The following UGT1A10 variants were observed in gnomAD, a reference collection of about 807,000 sequenced individuals.
The protein encoded by UGT1A10 is UDP glucuronosyltransferase family 1 member A10, also known as UDP-glucuronosyltransferase 1A10.
A neutral mutation model predicts 45.8 loss-of-function variants in UGT1A10; 49 were observed. That is an observed-to-expected ratio of 1.07 (90% CI 0.85 to 1.36). The LOEUF (loss-of-function observed/expected upper bound fraction) is 1.36. Ranked by LOEUF, UGT1A10 falls within the 40% of genes most tolerant of loss-of-function variation. The pLI, the probability that UGT1A10 is intolerant of heterozygous loss-of-function variation, is 0.00. For synonymous variants in UGT1A10, 284 were observed against 249.7 expected, an observed-to-expected ratio of 1.14 and a Z score of -1.29; for missense variants, 745 against 668.6, an observed-to-expected ratio of 1.11 and a Z score of -1.26.
At chr2:233,733,588 G>A (rs965491373) in intron 1 of UGT1A10, among the ~76,000 whole-genome samples, 3 of 152,178 alleles carry the variant, frequency 2.0e-5, no homozygotes, top group African/African-American at 7.2e-5. Flanking sequence ...CATTGGTTCT[G>A]TTTATGTGAT....
intron 1 of UGT1A10, among the ~76,000 whole-genome samples, chr2:233,638,563 C>G (rs1309194126): frequency 6.6e-6 from 1 of 152,142 alleles, no homozygotes; most frequent in Non-Finnish European, 1.5e-5. Flanking sequence ...GATTCGGTTG[C>G]TTGTGACTGA....
intron 1 of UGT1A10, among the ~76,000 whole-genome samples, chr2:233,738,473 C>G (rs1020432064): frequency 1.3e-5 from 2 of 152,168 alleles, no homozygotes; most frequent in Non-Finnish European, 1.5e-5. Flanking sequence ...TTTGGAACTT[C>G]CTGGAGACTT....
intron 1 of UGT1A10, chr2:233,718,701 G>T: frequency 6.3e-7 from 1 of 1,599,658 alleles, no homozygotes; most frequent in Non-Finnish European, 8.5e-7. Context: ...AGGGCACTTT[G>T]TCTTCCAATT....
At chr2:233,712,429 G>A (rs1352438227) in intron 1 of UGT1A10, among the ~76,000 whole-genome samples, 1 of 152,122 alleles carries the variant, frequency 6.6e-6, no homozygotes, top group African/African-American at 2.4e-5. Flanking sequence ...GAAATATCCT[G>A]GTGTGAAAAA....
At chr2:233,766,541 T>C (rs1699176762) in intron 1 of UGT1A10, among the ~76,000 whole-genome samples, 1 of 152,156 alleles carries the variant, frequency 6.6e-6, no homozygotes, top group Non-Finnish European at 1.5e-5. Context: ...AAAACAAAAA[T>C]GCCTGTCCTC....
chr2:233,682,842 T>C, intron 1 of UGT1A10: 6 of 1,547,036 alleles, frequency 3.9e-6, no homozygotes, highest in Non-Finnish European at 5.2e-6. Context: ...CTTTGGAAAT[T>C]AAAAGATTTC....
intron 1 of UGT1A10, among the ~76,000 whole-genome samples, chr2:233,699,210 G>GA (rs1003409179): frequency 4.1e-4 from 61 of 150,002 alleles, no homozygotes; most frequent in Admixed American, 1.4e-3. Flanking sequence ...GCTGTTGCAT[G>GA]AAAAAAAAAC....
chr2:233,753,244 G>A (rs1445000409), intron 1 of UGT1A10: 1 of 152,136 alleles, frequency 6.6e-6, no homozygotes, highest in Non-Finnish European at 1.5e-5. Flanking sequence ...TATTATTTAA[G>A]AAGCAACTAC....
chr2:233,724,372 T>A (rs2077243468), intron 1 of UGT1A10, among the ~76,000 whole-genome samples: 1 of 143,294 alleles, frequency 7.0e-6, no homozygotes, highest in Admixed American at 6.9e-5. Context: ...ACGGGGTGGC[T>A]GCCGGGCGGA....
intron 1 of UGT1A10, among the ~76,000 whole-genome samples, chr2:233,684,767 A>T (rs1046318119): frequency 2.6e-5 from 4 of 152,184 alleles, no homozygotes; most frequent in African/African-American, 9.6e-5. Flanking sequence ...TCAGATCATA[A>T]AGAGTGCCCT....
Position 233,636,623 on chromosome 2 carries a change from A to G in UGT1A10, c.101A>G (p.Asp34Gly), listed in dbSNP as rs777708802. 8.7e-6 allele frequency: 14 copies of G among 1,613,892 alleles called. No homozygotes were observed. The African/African-American group carries it at 9.4e-5, about 11-fold the overall frequency. The change falls in exon 1 of 5, where the codon GAT (aspartate) becomes GGT (glycine). Residue 34 changes from aspartate (D) to glycine (G), a missense_variant. Coordinates refer to ENST00000344644, the MANE Select transcript of UGT1A10 (RefSeq NM_019075.4). ...EAGKLLVVPM[D>G]GSHWFTMQSV... is the part of the protein sequence containing the mutation. ...GGGAAGCTGCTGGTAGTGCCCATGG[A>G]TGGGAGTCACTGGTTCACCATGCAG...
At chr2:233,760,161 T>G (rs768792415) in intron 1 of UGT1A10, 27 of 1,512,160 alleles carry the variant, frequency 1.8e-5, no homozygotes, top group Non-Finnish European at 2.3e-5. Context: ...CCTGCTACCT[T>G]TGTGGACTGA....
chr2:233,653,289 C>T (rs2073783153), intron 1 of UGT1A10, among the ~76,000 whole-genome samples: 1 of 152,112 alleles, frequency 6.6e-6, no homozygotes, highest in Non-Finnish European at 1.5e-5. Flanking sequence ...CCACTTTACA[C>T]CATAAAATAG....
chr2:233,706,820 G>A (rs903944218), intron 1 of UGT1A10, among the ~76,000 whole-genome samples: 4 of 152,174 alleles, frequency 2.6e-5, no homozygotes, highest in African/African-American at 9.7e-5. Flanking sequence ...GCCAATCCCA[G>A]GGCAGGACTC....
At chr2:233,685,826 T>C (rs2074758418) in intron 1 of UGT1A10, among the ~76,000 whole-genome samples, 1 of 152,198 alleles carries the variant, frequency 6.6e-6, no homozygotes, top group Non-Finnish European at 1.5e-5. Flanking sequence ...CTTCACTAAA[T>C]ATAAAAAATA....
At chr2:233,704,691 T>C (rs749758389) in intron 1 of UGT1A10, among the ~76,000 whole-genome samples, 31 of 152,224 alleles carry the variant, frequency 2.0e-4, no homozygotes, top group Non-Finnish European at 4.3e-4. Flanking sequence ...AGTTACCTTA[T>C]GGTATCATTT....
chr2:233,691,768 T>G (rs1302054982), intron 1 of UGT1A10: 1 of 382,122 alleles, frequency 2.6e-6, no homozygotes, highest in Non-Finnish European at 3.6e-6. Flanking sequence ...TGCTCTAGGA[T>G]TCTCACCACG....
intron 1 of UGT1A10, among the ~76,000 whole-genome samples, chr2:233,737,561 C>T (rs1436138407): frequency 1.3e-5 from 2 of 152,190 alleles, no homozygotes; most frequent in African/African-American, 4.8e-5. Flanking sequence ...CAGTGGGATG[C>T]ACCCACTATC....
chr2:233,682,069 G>T (rs1254179145), intron 1 of UGT1A10: 17 of 1,613,968 alleles, frequency 1.1e-5, no homozygotes. Context: ...TGCAGTCGGT[G>T]GTGGAGAAAC....
Sources: allele counts gnomAD v4.1 joint callset (sites outside exome capture counted in the v4.1 genomes callset), GRCh38; gene constraint gnomAD v4.1.1; transcripts MANE v1.5; gene names NCBI Gene and HGNC (gene_info 2026-07-23, HGNC 2026-07-21).